The following SCPEP1 variants were observed in gnomAD, a reference collection of about 807,000 sequenced individuals.
The protein encoded by SCPEP1 is serine carboxypeptidase 1.
In SCPEP1, 51 loss-of-function variants were observed where a neutral mutation model predicts 63.8. The observed-to-expected ratio is 0.80, with a 90% CI of 0.64 to 1.01. The LOEUF (loss-of-function observed/expected upper bound fraction) is 1.01. Ranked by LOEUF, SCPEP1 falls within the 50% of genes least tolerant of loss-of-function variation. The pLI is 0.00. For missense variants in SCPEP1, 499 were observed against 554.9 expected, an observed-to-expected ratio of 0.90 and a Z score of 1.01; for synonymous variants, 204 against 207.8, an observed-to-expected ratio of 0.98 and a Z score of 0.16.
rs763131004 is a variant in SCPEP1 at position 57,002,069 on chromosome 17, G to A, written c.1184G>A (p.Ser395Asn). 6.2e-7 allele frequency: 1 copy of A among 1,614,234 alleles called. No homozygotes were observed. The highest frequency in any genetic ancestry group is 1.1e-5 in the South Asian group (1 of 91,086). Residue 395 changes from serine (S) to asparagine (N), a missense_variant, in exon 12 of 13, where the codon AGT becomes AAT. Ser to Asn is a conservative substitution (Grantham distance 46). Transcript: ENST00000262288. Reference sequence around the variant, plus strand: ...AAGTGGCCAGAACTGCCTAAATTCAGTCAGCTGAAGTGGAAGGCCCTGTAC... The same window carrying A: ...AAGTGGCCAGAACTGCCTAAATTCAATCAGCTGAAGTGGAAGGCCCTGTAC... ...KLKWPELPKF[S>N]QLKWKALYSD... is the part of the protein sequence containing the mutation.
chr17:56,997,708 C>A (rs1295735826), intron 9 of SCPEP1, among the ~76,000 whole-genome samples: 1 of 152,148 alleles, frequency 6.6e-6, no homozygotes, highest in East Asian at 1.9e-4. Context: ...CCCTTCCCAC[C>A]CAGTTCCCTA....
chr17:56,992,654 C>T (rs1186090390), intron 6 of SCPEP1, among the ~76,000 whole-genome samples: 2 of 152,148 alleles, frequency 1.3e-5, no homozygotes, highest in Non-Finnish European at 2.9e-5. Flanking sequence ...TCATGTAATC[C>T]TTACAACAAC....
At chr17:56,980,504 T>C (rs1178411287) in intron 1 of SCPEP1, among the ~76,000 whole-genome samples, 1 of 152,188 alleles carries the variant, frequency 6.6e-6, no homozygotes, top group Non-Finnish European at 1.5e-5. Flanking sequence ...TCTCTCTTGT[T>C]TTTACAGAAT....
chr17:56,982,492 A>G (rs968433813), intron 2 of SCPEP1, among the ~76,000 whole-genome samples: 2 of 152,218 alleles, frequency 1.3e-5, no homozygotes, highest in Non-Finnish European at 2.9e-5. Flanking sequence ...ATGATAATGC[A>G]GAAAAAGAAC....
intron 8 of SCPEP1, 99 bp from the exon 9 acceptor site, chr17:56,996,863 C>A (rs1337545401): frequency 4.3e-6 from 3 of 693,638 alleles, no homozygotes; most frequent in Admixed American, 3.2e-5. Context: ...CAAAATTAAA[C>A]CTGTCCTTGG....
chr17:56,986,683 C>G (rs1406026205), intron 3 of SCPEP1, among the ~76,000 whole-genome samples: 1 of 152,074 alleles, frequency 6.6e-6, no homozygotes, highest in Non-Finnish European at 1.5e-5. Flanking sequence ...GTAGCTGGGA[C>G]TACAGGCGCC....
intron 12 of SCPEP1, among the ~76,000 whole-genome samples, chr17:57,002,768 G>A (rs551643977): frequency 6.8e-4 from 103 of 151,930 alleles, no homozygotes; most frequent in African/African-American, 2.3e-3. Context: ...CTGCTCAGGA[G>A]GCTGAGTGAG....
At position 57,001,336 on chromosome 17, in the gene SCPEP1, A is replaced by G. The variant is rs544390660; in HGVS notation, c.1132+344A>G. 1.1e-4 allele frequency among the ~76,000 whole-genome samples: 17 copies of G among 152,322 alleles called. No individual in the cohort carries two copies. In the East Asian group the frequency reaches 3.1e-3, roughly 28 times the overall value. ...GAGCCTCATTTTTGTGCGACATCAC[A>G]GTCGATGTTGACCACTGCAGAGTGA... is the stretch of plus-strand genomic sequence containing the variant. On this transcript the variant is annotated intron_variant, in intron 11 of 12. Transcript: ENST00000262288.
In SCPEP1 at chr17:56,985,375, T is replaced by C. The variant is rs1256247891; in HGVS notation, c.226-3T>C. 1.1e-5 allele frequency: 17 copies of C among 1,613,552 alleles called. No individual in the cohort carries two copies. The highest frequency in any genetic ancestry group is 2.2e-5 in the South Asian group (2 of 91,060). Reference sequence around the variant, plus strand: ...TTTTGTTTGTTTCTTCTCTCTTCCATAGGGCGGTCCAGGCGGTTCTAGCAC... The same window carrying C: ...TTTTGTTTGTTTCTTCTCTCTTCCACAGGGCGGTCCAGGCGGTTCTAGCAC... On this transcript the variant is annotated splice_polypyrimidine_tract_variant and splice_region_variant and intron_variant, in intron 2 of 12. Transcript: ENST00000262288.
chr17:56,994,760 A>G (rs1177187466), intron 6 of SCPEP1: 2 of 459,706 alleles, frequency 4.4e-6, no homozygotes, highest in East Asian at 7.4e-5. Context: ...ATTAGTCTTA[A>G]GAGTCAACAG....
Position 56,989,703 on chromosome 17 carries a change from T to G in SCPEP1, c.547-1396T>G, listed in dbSNP as rs375080099. ...GGCTCATGCCTGTAATCCCAGCACT[T>G]TGGGAGGCCGAGGCCGGCAGATCGC... is the stretch of plus-strand genomic sequence containing the variant. On this transcript the variant is annotated intron_variant, in intron 5 of 12. Transcript: ENST00000262288. Among the ~76,000 whole-genome samples, 20 of 152,242 alleles carry G rather than the reference T, an allele frequency of 1.3e-4. No individual in the cohort carries two copies. The South Asian group carries it at 2.7e-3, about 21-fold the overall frequency.
intron 1 of SCPEP1, among the ~76,000 whole-genome samples, chr17:56,979,767 T>C (rs539927734): frequency 6.6e-4 from 100 of 152,320 alleles, no homozygotes; most frequent in African/African-American, 2.2e-3. Context: ...TGTTTGCCTT[T>C]TTATTTTTGA....
chr17:56,987,882 G>A (rs761214681), intron 4 of SCPEP1, 32 bp downstream of exon 4: 1 of 1,610,628 alleles, frequency 6.2e-7, no homozygotes, highest in Non-Finnish European at 8.5e-7. Context: ...GCTAAGTAAA[G>A]GGCTGGCAAT....
chr17:56,994,332 A>C (rs1911482931), intron 6 of SCPEP1, among the ~76,000 whole-genome samples: 1 of 152,232 alleles, frequency 6.6e-6, no homozygotes, highest in Non-Finnish European at 1.5e-5. Flanking sequence ...CTAGTGATAC[A>C]GTATTTAATA....
intron 2 of SCPEP1, 74 bp from the exon 3 acceptor site, chr17:56,985,304 T>C (rs1397930177): frequency 8.9e-7 from 1 of 1,124,024 alleles, no homozygotes; most frequent in Non-Finnish European, 1.4e-6. Flanking sequence ...AAACCATCTA[T>C]AGCAAATGTG....
chr17:57,003,907 A>G (rs1431769567), intron 12 of SCPEP1, among the ~76,000 whole-genome samples: 3 of 152,104 alleles, frequency 2.0e-5, no homozygotes, highest in Admixed American at 6.6e-5. Flanking sequence ...CTCAAAAGAC[A>G]CTTAATCTAG....
chr17:56,982,727 A>T (rs189794140), intron 2 of SCPEP1: 1 of 150,102 alleles, frequency 6.7e-6, no homozygotes, highest in Admixed American at 6.6e-5. Flanking sequence ...CTTTTTGTTC[A>T]TCAGCAGAAC....
chr17:57,004,731 AG>A (rs1238022230), intron 12 of SCPEP1, among the ~76,000 whole-genome samples: 1 of 152,200 alleles, frequency 6.6e-6, no homozygotes, highest in Non-Finnish European at 1.5e-5. Flanking sequence ...TTGTGCATGA[AG>A]CAAAGTTTGT....
intron 6 of SCPEP1, among the ~76,000 whole-genome samples, chr17:56,994,365 G>A (rs887495767): frequency 1.3e-5 from 2 of 152,120 alleles, no homozygotes; most frequent in Non-Finnish European, 2.9e-5. Context: ...TCTAAACCAA[G>A]GTCAACTACT....
Sources: gnomAD v4.1 joint callset for allele counts (sites outside exome capture counted in the v4.1 genomes callset) on GRCh38, gnomAD v4.1.1 for gene constraint, MANE v1.5 for transcripts, NCBI Gene and HGNC (gene_info 2026-07-23, HGNC 2026-07-21) for gene names.